Variants in ATM observed in about 807,000 individuals in gnomAD.
The protein encoded by ATM is serine-protein kinase ATM.
In ATM, 308 loss-of-function variants were observed where a neutral mutation model predicts 387.0. The observed-to-expected ratio is 0.80, with a 90% CI of 0.73 to 0.87. The LOEUF (loss-of-function observed/expected upper bound fraction) is 0.87, where lower values mean the gene tolerates loss of function less well. Ranked by LOEUF, ATM falls within the 40% of genes least tolerant of loss-of-function variation. The pLI is 0.00. For synonymous variants in ATM, 1,156 were observed against 1,187.3 expected (o/e 0.97, Z 0.54); for missense variants, 3,312 against 3,560.9 (o/e 0.93, Z 1.78).
rs560638197 is a variant in ATM at position 108,280,733 on chromosome 11, T to C, written c.3403-262T>C. The stretch of plus-strand genomic sequence containing the variant: ...AGATTTTTAGCCAGAATGTTATAGA[T>C]CTGTGTCTTATAAAAAATGGATGAA... On this transcript the variant is annotated intron_variant, in intron 23 of 62. Coordinates refer to ENST00000675843, the MANE Select transcript of ATM (RefSeq NM_000051.4). 8.5e-5 allele frequency among the ~76,000 whole-genome samples: 13 copies of C among 152,310 alleles called. 1 individual carries two copies. The highest frequency in any genetic ancestry group is 2.6e-4 in the Admixed American group (4 of 15,308).
chr11:108,294,678 AGC>A (rs2083019627), intron 31 of ATM, among the ~76,000 whole-genome samples: 2 of 152,168 alleles, frequency 1.3e-5, no homozygotes, highest in African/African-American at 2.4e-5. Context: ...AGGCGGAGGT[AGC>A]AGTGAGCCTT....
chr11:108,248,963 A>G lies in ATM; in HGVS notation c.1096A>G (p.Ile366Val), dbSNP rs879254198. Residue 366 changes from isoleucine to valine, a missense_variant, in exon 9 of 63, where the codon ATT becomes GTT. Physicochemically the swap from Ile to Val is conservative, Grantham distance 29. Coordinates refer to ENST00000675843, the MANE Select transcript of ATM (RefSeq NM_000051.4). ...VFNEDTRSLE[I>V]SQSYTTTQRE... ...TAATGAAGATACCAGATCCTTGGAG[A>G]TTTCTCAATCTTACACTACTACACA... 3 of 1,611,700 alleles carry G rather than the reference A, an allele frequency of 1.9e-6. No homozygotes were observed. The highest frequency in any genetic ancestry group is 2.5e-6 in the Non-Finnish European group (3 of 1,178,420).
chr11:108,333,632 G>A (rs2086517874), intron 53 of ATM, among the ~76,000 whole-genome samples: 1 of 152,162 alleles, frequency 6.6e-6, no homozygotes, highest in African/African-American at 2.4e-5. Context: ...TGTTTAGTCT[G>A]GTTCCTCAGG....
At chr11:108,358,201 G>A (rs1319190217) in intron 61 of ATM, among the ~76,000 whole-genome samples, 1 of 151,620 alleles carries the variant, frequency 6.6e-6, no homozygotes, top group African/African-American at 2.4e-5. Context: ...ATCAGCGATG[G>A]AAGATGAAAT....
At chr11:108,351,742 T>C (rs1328417320) in intron 59 of ATM, among the ~76,000 whole-genome samples, 1 of 152,228 alleles carries the variant, frequency 6.6e-6, no homozygotes, top group Non-Finnish European at 1.5e-5. Context: ...CATCACATTA[T>C]GTCATCACAT....
chr11:108,257,698 T>G, intron 15 of ATM, 92 bp downstream of exon 15: 1 of 1,299,380 alleles, frequency 7.7e-7, no homozygotes, highest in Admixed American at 1.9e-5. Context: ...CAACTCATTG[T>G]AGCCTTGACC....
At chr11:108,247,580 C>G (rs2135275165) in intron 8 of ATM, among the ~76,000 whole-genome samples, 1 of 151,940 alleles carries the variant, frequency 6.6e-6, no homozygotes, top group South Asian at 2.1e-4. Context: ...ATCACTAATT[C>G]TGGAAACTTT....
At position 108,367,883 on chromosome 11, in the gene ATM, T is replaced by G. The variant is rs939797504; in HGVS notation, c.*2375T>G. On this transcript the variant is annotated 3_prime_UTR_variant, in exon 63 of 63. Transcript: ENST00000675843. ...ATGAATATTTGGTATATATTGGTAGTTTTATTACTATAGTAAATCAAGGAA... is the reference window on the plus strand; with the variant it reads ...ATGAATATTTGGTATATATTGGTAGGTTTATTACTATAGTAAATCAAGGAA... 9.7e-6 allele frequency: 2 copies of G among 205,384 alleles called. No individual in the cohort carries two copies. The highest frequency in any genetic ancestry group is 2.0e-5 in the Non-Finnish European group (2 of 100,268). 12.7% of individuals were successfully genotyped at this position (205,384 alleles called of 1,614,324 possible).
At position 108,325,491 on chromosome 11, in the gene ATM, A is replaced by C. The variant is rs1262434611; in HGVS notation, c.6754A>C (p.Thr2252Pro). Residue 2252 changes from threonine (T) to proline (P), a missense_variant, in exon 46 of 63, where the codon ACC (threonine) becomes CCC (proline). Physicochemically the swap from Thr to Pro is conservative, Grantham distance 38 (BLOSUM62 -1). Coordinates refer to ENST00000675843, the MANE Select transcript of ATM (RefSeq NM_000051.4). ...SQRECIKDILTKHLVELSILA... is the reference protein window; with the variant it reads ...SQRECIKDILPKHLVELSILA... ...AAGAGAATGTATTAAGGACATTCTCACCAAACACCTTGTAGAACTCTCTAT... is the reference window on the plus strand; with the variant it reads ...AAGAGAATGTATTAAGGACATTCTCCCCAAACACCTTGTAGAACTCTCTAT... 6.2e-7 allele frequency: 1 copy of C among 1,613,510 alleles called. No homozygotes were observed. Among genetic ancestry groups the C allele is most frequent in the Admixed American group, 1.7e-5 (1 of 60,016 alleles).
rs1555071919 is a variant in ATM, at chr11:108,251,958, A to G, written c.1729A>G (p.Met577Val). 1 of 1,613,908 alleles carries G rather than the reference A, an allele frequency of 6.2e-7. No individual in the cohort carries two copies. The change falls in exon 11 of 63, where the codon ATG becomes GTG. Residue 577 changes from methionine (M) to valine (V), a missense_variant. Physicochemically the swap from Met to Val is conservative, Grantham distance 21. Coordinates refer to ENST00000675843, the MANE Select transcript of ATM (RefSeq NM_000051.4). ...AAGCTTTTCTTTAAAGGAATCAATA[A>G]TGAAATGGCTCTTATTCTATCAGTT... ...NRSFSLKESI[M>V]KWLLFYQLEG...
intron 42 of ATM, among the ~76,000 whole-genome samples, chr11:108,316,503 G>A (rs1427993447): frequency 1.3e-5 from 2 of 152,138 alleles, no homozygotes; most frequent in Non-Finnish European, 2.9e-5. Context: ...CCCAGAACCT[G>A]TTGTTTCTAT....
chr11:108,317,942 A>G (rs1004881383), intron 43 of ATM, among the ~76,000 whole-genome samples: 3 of 152,132 alleles, frequency 2.0e-5, no homozygotes, highest in African/African-American at 4.8e-5. Flanking sequence ...GCATGCCAAG[A>G]AAAGTATAGG....
At chr11:108,311,691 C>T (rs2084176063) in intron 39 of ATM, among the ~76,000 whole-genome samples, 1 of 150,054 alleles carries the variant, frequency 6.7e-6, no homozygotes, top group Non-Finnish European at 1.5e-5. Flanking sequence ...GAGCGAGACC[C>T]TATCTCATAA....
chr11:108,326,246 G>T (rs755726387), intron 47 of ATM, 21 bp downstream of exon 47: 23 of 1,613,304 alleles, frequency 1.4e-5, no homozygotes, highest in Non-Finnish European at 1.9e-5. Flanking sequence ...TTTATTGGCT[G>T]GATTAGTGTT....
intron 61 of ATM, among the ~76,000 whole-genome samples, chr11:108,358,771 A>G (rs227045): frequency 0.53 from 74,910 of 141,292 alleles, 20,322 homozygotes; most frequent in Middle Eastern, 0.74. Flanking sequence ...CACCAGGCCT[A>G]CCCTAAAAGA....
At position 108,279,852 on chromosome 11, in the gene ATM, T is replaced by G. The variant is rs931329185; in HGVS notation, c.3402+244T>G. 5.9e-5 allele frequency among the ~76,000 whole-genome samples: 9 copies of G among 152,202 alleles called. No individual in the cohort carries two copies. In the East Asian group the frequency reaches 1.3e-3, roughly 23 times the overall value. On this transcript the variant is annotated intron_variant, in intron 23 of 62. Transcript: ENST00000675843. ...AACCCAAAATTTAACTGAGTTTTTATGGGAGTATAAATGGCTCCCTTTTTT... is the reference window on the plus strand; with the variant it reads ...AACCCAAAATTTAACTGAGTTTTTAGGGGAGTATAAATGGCTCCCTTTTTT...
chr11:108,347,952 G>A (rs1050739247), intron 59 of ATM, among the ~76,000 whole-genome samples: 3 of 152,198 alleles, frequency 2.0e-5, no homozygotes, highest in African/African-American at 7.2e-5. Context: ...GATGAGAAAT[G>A]ATGAAGATTT....
Position 108,253,330 on chromosome 11 carries a change from C to G in ATM, c.1898+418C>G, listed in dbSNP as rs4987948. Among the ~76,000 whole-genome samples the G allele has an allele frequency of 8.8e-3, 1,332 of 152,196 alleles. 22 individuals are homozygous for G. Among genetic ancestry groups the G allele is most frequent in the African/African-American group, 0.03 (1,254 of 41,554 alleles). ...TAAACCTGAGTTTAGTTGATTGACT[C>G]AAGAGACTTAGATTGTATTGCTGTG... On this transcript the variant is annotated intron_variant, in intron 12 of 62. Coordinates refer to ENST00000675843, the MANE Select transcript of ATM (RefSeq NM_000051.4).
At chr11:108,260,044 T>TC (rs2080766874) in intron 16 of ATM, among the ~76,000 whole-genome samples, 1 of 149,096 alleles carries the variant, frequency 6.7e-6, no homozygotes, top group African/African-American at 2.5e-5. Context: ...TTTTTTTTTT[T>TC]TTTTTTTTGA....
Sources: allele counts gnomAD v4.1 joint callset (sites outside exome capture counted in the v4.1 genomes callset), GRCh38; gene constraint gnomAD v4.1.1; transcripts MANE v1.5; gene names NCBI Gene and HGNC (gene_info 2026-07-23, HGNC 2026-07-21).